Variants in SDK1 observed in about 807,000 individuals in gnomAD.
SDK1 encodes the protein sidekick cell adhesion molecule 1.
A neutral mutation model predicts 245.5 loss-of-function variants in SDK1; 157 were observed. The ratio of observed to expected loss-of-function variants is 0.64; its 90% CI spans 0.56 to 0.73. The LOEUF (loss-of-function observed/expected upper bound fraction) is 0.73, where lower values mean the gene tolerates loss of function less well. SDK1 is among the 30% of genes least tolerant of loss of function. The probability of loss-of-function intolerance (pLI) is 0.00; values close to 1 mark genes in which losing one functional copy is unlikely to be tolerated. For synonymous variants in SDK1, 1,647 were observed against 1,278.5 expected, an observed-to-expected ratio of 1.29 and a Z score of -6.15; for missense variants, 3,583 against 3,002.3, an observed-to-expected ratio of 1.19 and a Z score of -4.52.
At chr7:4,244,769 C>G (rs1224611788) in intron 43 of SDK1, among the ~76,000 whole-genome samples, 1 of 151,962 alleles carries the variant, frequency 6.6e-6, no homozygotes, top group Non-Finnish European at 1.5e-5. Flanking sequence ...TTCTTCCAAG[C>G]TCATTCAGCC....
At chr7:3,414,747 C>G (rs1202397067) in intron 1 of SDK1, among the ~76,000 whole-genome samples, 1 of 152,186 alleles carries the variant, frequency 6.6e-6, no homozygotes. Context: ...TCCTCCTACT[C>G]CTCCATTCCC....
intron 12 of SDK1, 95 bp downstream of exon 12, chr7:3,971,663 T>C (rs978262807): frequency 1.1e-6 from 1 of 919,774 alleles, no homozygotes; most frequent in African/African-American, 1.6e-5. Flanking sequence ...GGGGGAACTT[T>C]TGATTTCAGC....
At chr7:3,900,865 A>T (rs1171374130) in intron 5 of SDK1, among the ~76,000 whole-genome samples, 1 of 152,086 alleles carries the variant, frequency 6.6e-6, no homozygotes, top group Non-Finnish European at 1.5e-5. Flanking sequence ...CCATAAAATC[A>T]TTGCTCTTGA....
At chr7:3,310,273 T>G (rs1312948800) in intron 1 of SDK1, among the ~76,000 whole-genome samples, 1 of 152,204 alleles carries the variant, frequency 6.6e-6, no homozygotes, top group African/African-American at 2.4e-5. Context: ...ATGATCAGAT[T>G]TGTATTTTAA....
intron 4 of SDK1, among the ~76,000 whole-genome samples, chr7:3,691,157 C>T (rs935626230): frequency 6.7e-6 from 1 of 149,598 alleles, no homozygotes; most frequent in African/African-American, 2.5e-5. Context: ...CTTAGAATCA[C>T]CTTTCAACAT....
At chr7:4,008,990 C>T (rs1785717893) in intron 14 of SDK1, among the ~76,000 whole-genome samples, 1 of 152,252 alleles carries the variant, frequency 6.6e-6, no homozygotes, top group Non-Finnish European at 1.5e-5. Flanking sequence ...TCTGTAGCGG[C>T]TATACCATTT....
At chr7:3,403,845 A>AT (rs1196579539) in intron 1 of SDK1, among the ~76,000 whole-genome samples, 2 of 93,660 alleles carry the variant, frequency 2.1e-5, no homozygotes, top group Admixed American at 1.1e-4. Context: ...ATATATATAT[A>AT]TATATATATA....
intron 28 of SDK1, among the ~76,000 whole-genome samples, chr7:4,139,539 A>ATATGTGTGTGTG (rs1562871787): frequency 0.024 from 1,237 of 50,732 alleles, 254 homozygotes; most frequent in African/African-American, 0.071. Context: ...GTGTGTGTAT[A>ATATGTGTGTGTG]TATGTGTGTG....
At chr7:3,928,306 C>T (rs1258361556) in intron 5 of SDK1, among the ~76,000 whole-genome samples, 2 of 152,078 alleles carry the variant, frequency 1.3e-5, no homozygotes, top group Non-Finnish European at 2.9e-5. Context: ...ATTTATTTTG[C>T]AGTATAAAAT....
At chr7:3,528,379 G>A (rs1583127197) in intron 1 of SDK1, among the ~76,000 whole-genome samples, 1 of 151,874 alleles carries the variant, frequency 6.6e-6, no homozygotes, top group Non-Finnish European at 1.5e-5. Context: ...TCAGCTAGGG[G>A]GTGAGTGGTG....
rs566536855 is a variant in SDK1 at position 3,930,109 on chromosome 7, G to T, written c.848-20814G>T. ...CTGAGGTGATGTATGTGTAACCCAG[G>T]CAGCTCGTTAACATTTAGGTCCTGA... is the stretch of plus-strand genomic sequence containing the variant. On this transcript the variant is annotated intron_variant, in intron 5 of 44. Transcript: ENST00000404826. 2.6e-5 allele frequency among the ~76,000 whole-genome samples: 4 copies of T among 152,276 alleles called. No individual in the cohort carries two copies. In the South Asian group the frequency reaches 8.3e-4, roughly 32 times the overall value.
chr7:4,210,970 C>T (rs1209377878), intron 38 of SDK1, among the ~76,000 whole-genome samples: 1 of 152,186 alleles, frequency 6.6e-6, no homozygotes, highest in African/African-American at 2.4e-5. Context: ...GGAGGATCCG[C>T]CAATCTAGGG....
intron 4 of SDK1, among the ~76,000 whole-genome samples, chr7:3,671,503 C>G (rs1317297178): frequency 6.6e-6 from 1 of 152,182 alleles, no homozygotes; most frequent in Non-Finnish European, 1.5e-5. Flanking sequence ...TTTGTAAGCT[C>G]TGATGTTATC....
intron 22 of SDK1, among the ~76,000 whole-genome samples, chr7:4,095,921 G>A (rs1411996827): frequency 2.6e-5 from 4 of 152,178 alleles, no homozygotes; most frequent in African/African-American, 9.7e-5. Context: ...AATTTCCCTT[G>A]AAGGAACTCA....
intron 1 of SDK1, among the ~76,000 whole-genome samples, chr7:3,512,765 C>G (rs1427871137): frequency 6.6e-6 from 1 of 152,002 alleles, no homozygotes; most frequent in Non-Finnish European, 1.5e-5. Context: ...TATTTTTATG[C>G]TTTTTTATGT....
At chr7:3,754,189 A>G (rs1779853804) in intron 4 of SDK1, among the ~76,000 whole-genome samples, 1 of 152,228 alleles carries the variant, frequency 6.6e-6, no homozygotes, top group Non-Finnish European at 1.5e-5. Context: ...AGAGATTCAT[A>G]TTACATTTTC....
At chr7:3,513,749 T>G (rs2128612229) in intron 1 of SDK1, among the ~76,000 whole-genome samples, 1 of 152,270 alleles carries the variant, frequency 6.6e-6, no homozygotes, top group South Asian at 2.1e-4. Context: ...GTAGTGAGTG[T>G]GGTGCCCAGC....
Position 3,950,999 on chromosome 7 carries a change from C to T in SDK1, c.924C>T (p.Ser308=). 6.2e-7 allele frequency: 1 copy of T among 1,613,968 alleles called. No individual in the cohort carries two copies. The highest frequency in any genetic ancestry group is 8.5e-7 in the Non-Finnish European group (1 of 1,179,902). ...GCAACAGAAGTGTGGTGGCTGGATC[C>T]AGTGAGACCACCTTGGAATGTATAG... ...PPGNRSVVAG[S]SETTLECIAS... The change falls in exon 6 of 45, where the codon TCC becomes TCT. Residue 308 remains serine, a synonymous_variant. Coordinates refer to ENST00000404826, the MANE Select transcript of SDK1 (RefSeq NM_152744.4).
chr7:3,582,009 G>A (rs1035377620), intron 1 of SDK1, among the ~76,000 whole-genome samples: 1 of 152,190 alleles, frequency 6.6e-6, no homozygotes, highest in Non-Finnish European at 1.5e-5. Context: ...GCCTCCCTCA[G>A]GTAGGCCTGT....
Sources: allele counts gnomAD v4.1 joint callset (sites outside exome capture counted in the v4.1 genomes callset), GRCh38; gene constraint gnomAD v4.1.1; transcripts MANE v1.5; gene names NCBI Gene and HGNC (gene_info 2026-07-23, HGNC 2026-07-21).